The following KCNK10 variants were observed in gnomAD, a reference collection of about 807,000 sequenced individuals.
KCNK10 encodes the protein potassium two pore domain channel subfamily K member 10, also known as potassium channel subfamily K member 10.
Under a neutral mutation model 47.7 loss-of-function variants are expected in KCNK10, and 25 were observed. The observed-to-expected ratio is 0.52, with a 90% CI of 0.38 to 0.73. KCNK10 has a LOEUF of 0.73. Among genes scored for constraint, KCNK10 ranks in the 30% least tolerant of loss-of-function variants. KCNK10 has a pLI of 0.00. For synonymous variants in KCNK10, 303 were observed against 285.6 expected (o/e 1.06, Z -0.61); for missense variants, 563 against 714.5 (o/e 0.79, Z 2.42).
intron 5 of KCNK10, among the ~76,000 whole-genome samples, 168 bp downstream of exon 5, chr14:88,192,056 A>G (rs116879398): frequency 1.6e-4 from 25 of 152,372 alleles, no homozygotes; most frequent in Admixed American, 3.9e-4. Context: ...TATGGTATTT[A>G]TATTACATAG....
rs375581591 is a variant in KCNK10 at position 88,188,192 on chromosome 14, G to A, written c.869-83C>T. The A allele has an allele frequency of 4.8e-5, 70 of 1,466,546 alleles. No homozygotes were observed. In the East Asian group the frequency reaches 8.0e-4, roughly 17 times the overall value. 90.8% of individuals were successfully genotyped at this position (1,466,546 alleles called of 1,614,324 possible). A position where few individuals can be genotyped will look rare whatever the true frequency, so the allele number is the denominator to read the frequency against. On this transcript the variant is annotated intron_variant, in intron 5 of 6. Transcript: ENST00000319231. Reference sequence around the variant, plus strand: ...CACATATTCCATTCCATGTAGTGAAGACGTCATCCATCATTGTTTAACACT... The same window carrying A: ...CACATATTCCATTCCATGTAGTGAAAACGTCATCCATCATTGTTTAACACT...
At chr14:88,216,957 C>T (rs1389757741) in intron 4 of KCNK10, among the ~76,000 whole-genome samples, 1 of 152,116 alleles carries the variant, frequency 6.6e-6, no homozygotes, top group Non-Finnish European at 1.5e-5. Flanking sequence ...GAGTTCGAGA[C>T]CAGCCTGGCC....
intron 1 of KCNK10, among the ~76,000 whole-genome samples, chr14:88,305,247 T>C (rs1171757377): frequency 6.6e-6 from 1 of 151,776 alleles, no homozygotes; most frequent in Non-Finnish European, 1.5e-5. Context: ...GACTAGAGGC[T>C]CACAGGAACC....
chr14:88,192,740 G>C (rs1406818935), intron 4 of KCNK10, among the ~76,000 whole-genome samples: 1 of 152,138 alleles, frequency 6.6e-6, no homozygotes, highest in Non-Finnish European at 1.5e-5. Flanking sequence ...CTTCTCACTG[G>C]TGCAAATATA....
rs184185688 is a variant in KCNK10, at chr14:88,186,243, C to A, written c.1012-88G>T. The A allele has an allele frequency of 1.3e-5, 19 of 1,442,132 alleles. No individual in the cohort carries two copies. The highest frequency in any genetic ancestry group is 5.2e-5 in the Admixed American group (2 of 38,192). 89.3% of individuals were successfully genotyped at this position (1,442,132 alleles called of 1,614,324 possible). A position where few individuals can be genotyped will look rare whatever the true frequency, so the allele number is the denominator to read the frequency against. ...CACCCACAGCCCTCGGGTGTCCCCA[C>A]GGGGAGGCCAGGAGGTGACGGAGCA... On this transcript the variant is annotated intron_variant, in intron 6 of 6. Coordinates refer to ENST00000319231, the MANE Select transcript of KCNK10 (RefSeq NM_138317.3). This position sits in a 1 kb window ranked among gnomAD's most constrained non-coding sequence, Gnocchi z 5.5.
At chr14:88,268,584 G>A (rs1292281417) in intron 1 of KCNK10, among the ~76,000 whole-genome samples, 1 of 152,206 alleles carries the variant, frequency 6.6e-6, no homozygotes, top group Non-Finnish European at 1.5e-5. Context: ...CAGGGGGAAA[G>A]GGCCCTTTTA....
At chr14:88,291,966 G>A (rs923210574) in intron 1 of KCNK10, among the ~76,000 whole-genome samples, 3 of 152,172 alleles carry the variant, frequency 2.0e-5, no homozygotes, top group East Asian at 1.9e-4. Flanking sequence ...TACACTCAAG[G>A]CAGAAGCTGA....
intron 1 of KCNK10, among the ~76,000 whole-genome samples, chr14:88,313,456 G>T (rs1369169313): frequency 1.3e-5 from 2 of 152,206 alleles, no homozygotes; most frequent in Non-Finnish European, 2.9e-5. Context: ...AAAAAGTGTT[G>T]CCAATTCCAC....
intron 1 of KCNK10, among the ~76,000 whole-genome samples, chr14:88,280,195 C>T (rs545475800): frequency 6.6e-6 from 1 of 152,256 alleles, no homozygotes; most frequent in Non-Finnish European, 1.5e-5. Context: ...ACAGGGGACA[C>T]CAACACGGCC....
At chr14:88,272,357 G>C (rs2139763995) in intron 1 of KCNK10, among the ~76,000 whole-genome samples, 1 of 152,282 alleles carries the variant, frequency 6.6e-6, no homozygotes, top group East Asian at 1.9e-4. Flanking sequence ...AAGACATGAA[G>C]AGAGAGTGTC....
intron 4 of KCNK10, among the ~76,000 whole-genome samples, chr14:88,205,416 C>A (rs1264724032): frequency 3.3e-5 from 5 of 152,166 alleles, no homozygotes; most frequent in Non-Finnish European, 5.9e-5. Flanking sequence ...GTCCCCTGTC[C>A]ATAGAACTGC....
intron 1 of KCNK10, among the ~76,000 whole-genome samples, chr14:88,280,341 C>T (rs1190927592): frequency 6.6e-6 from 1 of 152,130 alleles, no homozygotes; most frequent in Non-Finnish European, 1.5e-5. Flanking sequence ...CTTTTTAAAT[C>T]CACTCTGCAG....
At chr14:88,287,674 G>GGT (rs199702993) in intron 1 of KCNK10, among the ~76,000 whole-genome samples, 1,946 of 141,512 alleles carry the variant, frequency 0.014, 20 homozygotes, top group African/African-American at 0.022. Flanking sequence ...AGTATTCCAT[G>GGT]GTGTGTGTGT....
rs897253240 is a variant in KCNK10, at chr14:88,232,274, C to T, written c.521-4739G>A. Among the ~76,000 whole-genome samples, 13 of 152,296 alleles carry T rather than the reference C, an allele frequency of 8.5e-5. 1 individual carries two copies. Among genetic ancestry groups the T allele is most frequent in the South Asian group, 6.2e-4 (3 of 4,818 alleles). Reference sequence around the variant, plus strand: ...ATATGCAAAAATGTCTGCAATATTACGTTGCAAATTTTATGATCGCAAGGG... The same window carrying T: ...ATATGCAAAAATGTCTGCAATATTATGTTGCAAATTTTATGATCGCAAGGG... On this transcript the variant is annotated intron_variant, in intron 3 of 6. Transcript: ENST00000319231.
rs756065588 is a variant in KCNK10, at chr14:88,185,576, G to T, written c.1591C>A (p.Arg531=). The change falls in exon 7 of 7, where the codon CGG becomes AGG. Residue 531 remains arginine, a synonymous_variant. Coordinates refer to ENST00000319231, the MANE Select transcript of KCNK10 (RefSeq NM_138317.3). This position sits in a 1 kb window ranked among gnomAD's most constrained non-coding sequence, Gnocchi z 4.3. ...NGMIPTDTKD[R]EPENNSLLED... ...AGTAATGAGTTGTTCTCCGGCTCCCGGTCTTTGGTGTCCGTGGGTATCATT... is the reference window on the plus strand; with the variant it reads ...AGTAATGAGTTGTTCTCCGGCTCCCTGTCTTTGGTGTCCGTGGGTATCATT... 6.2e-7 allele frequency: 1 copy of T among 1,613,856 alleles called. No individual in the cohort carries two copies. Among genetic ancestry groups the T allele is most frequent in the Admixed American group, 1.7e-5 (1 of 59,996 alleles).
chr14:88,280,016 G>GT (rs1317783527), intron 1 of KCNK10, among the ~76,000 whole-genome samples: 2 of 152,172 alleles, frequency 1.3e-5, no homozygotes, highest in Non-Finnish European at 2.9e-5. Flanking sequence ...ATGCGGAACT[G>GT]TAAGTCCAAT....
intron 4 of KCNK10, among the ~76,000 whole-genome samples, chr14:88,224,790 AG>A (rs916281824): frequency 6.6e-6 from 1 of 152,154 alleles, no homozygotes; most frequent in African/African-American, 2.4e-5. Context: ...TTGTATTTTT[AG>A]TACTGACAGG....
At chr14:88,326,596 A>G (rs1419066560), upstream of KCNK10, 1 of 668,542 alleles carries the variant, frequency 1.5e-6, no homozygotes, top group Non-Finnish European at 2.6e-6. Flanking sequence ...ATCGTGGCGC[A>G]AAGTCTCCCT....
chr14:88,240,466 C>G (rs1398780888), intron 3 of KCNK10, among the ~76,000 whole-genome samples: 1 of 152,182 alleles, frequency 6.6e-6, no homozygotes, highest in Non-Finnish European at 1.5e-5. Flanking sequence ...CTCATATTTT[C>G]CATTCTAACC....
Sources: gnomAD v4.1 joint callset for allele counts (sites outside exome capture counted in the v4.1 genomes callset) on GRCh38, gnomAD v4.1.1 for gene constraint, Gnocchi (gnomAD v3.1) non-coding constraint, MANE v1.5 for transcripts, NCBI Gene and HGNC (gene_info 2026-07-23, HGNC 2026-07-21) for gene names.